Variants in GART observed in about 807,000 individuals in gnomAD.
GART encodes phosphoribosylglycinamide formyltransferase, phosphoribosylglycinamide synthetase, phosphoribosylaminoimidazole synthetase, also known as trifunctional purine biosynthetic protein adenosine-3.
In GART, 43 loss-of-function variants were observed where a neutral mutation model predicts 107.2. The ratio of observed to expected loss-of-function variants is 0.40; its 90% CI spans 0.31 to 0.52. The LOEUF (loss-of-function observed/expected upper bound fraction) is 0.52, where lower values mean the gene tolerates loss of function less well. Among genes scored for constraint, GART ranks in the 20% least tolerant of loss-of-function variants. The pLI is 0.52. For synonymous variants in GART, 434 were observed against 427.0 expected (o/e 1.02, Z -0.20); for missense variants, 1,107 against 1,206.5 (o/e 0.92, Z 1.22).
intron 16 of GART, among the ~76,000 whole-genome samples, chr21:33,516,665 T>A (rs1199514143): frequency 2.0e-5 from 3 of 152,224 alleles, no homozygotes; most frequent in African/African-American, 7.2e-5. Flanking sequence ...GAATATGGAT[T>A]ACTTAATAGC....
At chr21:33,510,013 A>G in intron 17 of GART, 93 bp from the exon 18 acceptor site, 2 of 1,167,538 alleles carry the variant, frequency 1.7e-6, no homozygotes, top group Non-Finnish European at 1.2e-6. Context: ...ACTTTAGGGT[A>G]TGTTTTATCC....
intron 10 of GART, among the ~76,000 whole-genome samples, chr21:33,527,571 A>G (rs983182373): frequency 6.6e-6 from 1 of 152,058 alleles, no homozygotes; most frequent in Admixed American, 6.6e-5. Context: ...TGGCCAAACT[A>G]TAGGCTGCTA....
At chr21:33,542,885 G>GAGGGGTA, upstream of GART, 1 of 601,520 alleles carries the variant, frequency 1.7e-6, no homozygotes, top group Non-Finnish European at 3.0e-6. Context: ...GCAAACGTCA[G>GAGGGGTA]CACCTCTACC....
At chr21:33,504,585 A>C in intron 20 of GART, 58 bp from the exon 21 acceptor site, 3 of 1,242,046 alleles carry the variant, frequency 2.4e-6, no homozygotes, top group Non-Finnish European at 3.5e-6. Context: ...ATTCTGTTAA[A>C]GGAATACGTT....
At chr21:33,509,710 A>C in intron 18 of GART, 73 bp downstream of exon 18, 19 of 1,495,152 alleles carry the variant, frequency 1.3e-5, no homozygotes, top group Non-Finnish European at 1.7e-5. Context: ...GTAACCTTAC[A>C]ATCTCACAAG....
Position 33,531,568 on chromosome 21 carries a change from G to C in GART, c.529-11C>G. On this transcript the variant is annotated splice_polypyrimidine_tract_variant and intron_variant, in intron 5 of 21. Coordinates refer to ENST00000381815, the MANE Select transcript of GART (RefSeq NM_000819.5). The stretch of plus-strand genomic sequence containing the variant: ...CCCAAAGGCTTTCTCCTGATTGTAA[G>C]ATTTTTTTTTTTTTTTTTTTTAAAA... 1 of 1,439,776 alleles carries C rather than the reference G, an allele frequency of 6.9e-7. No homozygotes were observed. The highest frequency in any genetic ancestry group is 9.3e-7 in the Non-Finnish European group (1 of 1,071,986). 89.2% of individuals were successfully genotyped at this position (1,439,776 alleles called of 1,614,324 possible).
chr21:33,534,270 T>TGGCACAATCTTGGCTCAGTGCAGC (rs2085259534), intron 4 of GART, among the ~76,000 whole-genome samples: 1 of 152,190 alleles, frequency 6.6e-6, no homozygotes. Flanking sequence ...TGCAGTGCAG[T>TGGCACAATCTTGGCTCAGTGCAGC]GGCACAATCT....
intron 19 of GART, 111 bp downstream of exon 19, chr21:33,505,863 A>G (rs1333362058): frequency 1.4e-6 from 2 of 1,480,518 alleles, no homozygotes; most frequent in African/African-American, 1.4e-5. Flanking sequence ...CCCAGCACCC[A>G]CCCAAAATGG....
At position 33,506,013 on chromosome 21, in the gene GART, A is replaced by C. The variant is rs932605063; in HGVS notation, c.2544T>G (p.Ala848=). 2 of 1,614,094 alleles carry C rather than the reference A, an allele frequency of 1.2e-6. No homozygotes were observed. The highest frequency in any genetic ancestry group is 2.7e-5 in the African/African-American group (2 of 74,944). Residue 848 remains alanine, a synonymous_variant, in exon 19 of 22, where the codon GCT becomes GCG. Transcript: ENST00000381815. ...CAGCTCTTTCCGCTTTATCTAACCCAGCTACTGCGGCTTTGTTGGAGATAA... is the reference window on the plus strand; with the variant it reads ...CAGCTCTTTCCGCTTTATCTAACCCCGCTACTGCGGCTTTGTTGGAGATAA... ...DIVISNKAAV[A]GLDKAERAGI...
intron 17 of GART, 196 bp from the exon 18 acceptor site, chr21:33,510,116 G>A (rs2084758211): frequency 1.8e-6 from 1 of 550,368 alleles, no homozygotes; most frequent in Non-Finnish European, 3.2e-6. Context: ...GTGAACATAT[G>A]TAATTACTTC....
chr21:33,508,761 C>T (rs997707155), intron 18 of GART, among the ~76,000 whole-genome samples: 2 of 152,026 alleles, frequency 1.3e-5, no homozygotes, highest in South Asian at 2.1e-4. Context: ...GTGATCCGCC[C>T]GCCTCAGCCT....
At position 33,528,851 on chromosome 21, in the gene GART, T is replaced by A; in HGVS notation, c.810A>T (p.Thr270=). 1 of 1,607,266 alleles carries A rather than the reference T, an allele frequency of 6.2e-7. No homozygotes were observed. Among genetic ancestry groups the A allele is most frequent in the Non-Finnish European group, 8.5e-7 (1 of 1,174,294 alleles). The change falls in exon 8 of 22, where the codon ACA becomes ACT. Residue 270 remains threonine (T), a splice_region_variant and synonymous_variant. Coordinates refer to ENST00000381815, the MANE Select transcript of GART (RefSeq NM_000819.5). ...CCATAGTAATGTGGGTGGGCCTACC[T>A]GTATATGGAGTACCCTCTTGCTGCA... ...DGMQQEGTPY[T]GILYAGIMLT...
intron 20 of GART, 80 bp downstream of exon 20, chr21:33,505,481 G>A (rs1236740919): frequency 1.6e-6 from 2 of 1,264,726 alleles, no homozygotes; most frequent in Non-Finnish European, 2.2e-6. Context: ...GTTCACTACT[G>A]GGATTGTTTG....
chr21:33,539,262 G>C lies in GART; in HGVS notation c.54C>G (p.Ala18=), dbSNP rs1278769147. 2.5e-6 allele frequency: 4 copies of C among 1,614,120 alleles called. No homozygotes were observed. The highest frequency in any genetic ancestry group is 3.4e-6 in the Non-Finnish European group (4 of 1,179,976). The change falls in exon 2 of 22, where the codon GCC becomes GCG. Residue 18 remains alanine, a synonymous_variant. Transcript: ENST00000381815. The part of the protein sequence containing the change: ...IGSGGREHTL[A]WKLAQSHHVK... ...CATGATGAGACTGTGCAAGTTTCCA[G>C]GCCAGCGTATGTTCCCTTCCTCCAC...
chr21:33,529,117 T>C (rs2834235), intron 7 of GART, among the ~76,000 whole-genome samples, 180 bp from the exon 8 acceptor site: 61,263 of 152,034 alleles, frequency 0.4, 12,558 homozygotes, highest in East Asian at 0.58. Flanking sequence ...CTCTGTCAAG[T>C]AGGTATTTTA....
intron 18 of GART, chr21:33,509,228 C>G (rs1330130999): frequency 6.6e-6 from 1 of 152,398 alleles, no homozygotes; most frequent in Non-Finnish European, 1.5e-5. Context: ...CTACTGTACT[C>G]TAGCCTGGGC....
At chr21:33,516,938 A>AT (rs1283613229) in intron 16 of GART, 51 bp downstream of exon 16, 4 of 1,508,728 alleles carry the variant, frequency 2.7e-6, no homozygotes, top group African/African-American at 2.8e-5. Context: ...CGCACAATGC[A>AT]TTTTTTTCCT....
At chr21:33,533,910 G>T (rs1413531498) in intron 4 of GART, among the ~76,000 whole-genome samples, 1 of 151,578 alleles carries the variant, frequency 6.6e-6, no homozygotes, top group Non-Finnish European at 1.5e-5. Flanking sequence ...GTCTCAGGTT[G>T]GGGGGTGGTG....
upstream of GART, chr21:33,542,840 C>T (rs1394903343): frequency 1.8e-6 from 1 of 563,986 alleles, no homozygotes; most frequent in African/African-American, 1.9e-5. Context: ...GCGCCTGCGT[C>T]AGACACTAAC....
Sources: gnomAD v4.1 joint callset for allele counts (sites outside exome capture counted in the v4.1 genomes callset) on GRCh38, gnomAD v4.1.1 for gene constraint, MANE v1.5 for transcripts, NCBI Gene and HGNC (gene_info 2026-07-23, HGNC 2026-07-21) for gene names.